CNTN5: variants seen among roughly 807,000 people sequenced by gnomAD.
CNTN5 encodes the protein contactin 5.
Under a neutral mutation model 129.1 loss-of-function variants are expected in CNTN5, and 77 were observed. The observed-to-expected ratio is 0.60, with a 90% CI of 0.50 to 0.72. The LOEUF is 0.72. Among genes scored for constraint, CNTN5 ranks in the 30% least tolerant of loss-of-function variants. The probability of loss-of-function intolerance (pLI) is 0.00; values close to 1 mark genes in which losing one functional copy is unlikely to be tolerated. For synonymous variants in CNTN5, 509 were observed against 465.6 expected (o/e 1.09, Z -1.20); for missense variants, 1,478 against 1,328.8 (o/e 1.11, Z -1.75).
Position 99,784,340 on chromosome 11 carries a change from C to T in CNTN5, c.56-35204C>T, listed in dbSNP as rs780847558. 1.2e-3 allele frequency among the ~76,000 whole-genome samples: 184 copies of T among 152,074 alleles called. 2 individuals carry two copies. Among genetic ancestry groups the T allele is most frequent in the Non-Finnish European group, 4.0e-4 (27 of 68,020 alleles). ...ATAGGCCCAGGTGTGTGATGTTCCC[C>T]TCCCTGTGTCCATGTGTTCTCATTT... On this transcript the variant is annotated intron_variant, in intron 3 of 24. Transcript: ENST00000524871.
intron 1 of CNTN5, among the ~76,000 whole-genome samples, chr11:99,167,954 G>A (rs77394974): frequency 1.6e-5 from 2 of 124,070 alleles, no homozygotes; most frequent in African/African-American, 7.9e-5. Context: ...TTTTTTTTTG[G>A]AGATAGCATG....
chr11:100,245,550 A>G (rs187496771), intron 16 of CNTN5, among the ~76,000 whole-genome samples: 1 of 152,116 alleles, frequency 6.6e-6, no homozygotes, highest in Non-Finnish European at 1.5e-5. Context: ...TGAGACAAGT[A>G]GAGTGAATAT....
At chr11:99,690,421 G>A (rs530290187) in intron 3 of CNTN5, among the ~76,000 whole-genome samples, 1 of 152,142 alleles carries the variant, frequency 6.6e-6, no homozygotes, top group Admixed American at 6.5e-5. Flanking sequence ...GTTTGCTTAG[G>A]ATTGCCATGG....
intron 7 of CNTN5, among the ~76,000 whole-genome samples, chr11:99,921,069 C>T (rs1476724099): frequency 1.3e-5 from 2 of 152,108 alleles, no homozygotes; most frequent in Non-Finnish European, 2.9e-5. Context: ...CATCAGAAAC[C>T]AACCATGCTG....
intron 4 of CNTN5, among the ~76,000 whole-genome samples, chr11:99,830,634 T>C (rs1044131859): frequency 6.6e-6 from 1 of 152,188 alleles, no homozygotes; most frequent in Non-Finnish European, 1.5e-5. Flanking sequence ...CTAAATAAAA[T>C]ACATCATGTC....
intron 3 of CNTN5, among the ~76,000 whole-genome samples, chr11:99,792,252 T>C (rs1260016379): frequency 6.6e-6 from 1 of 152,180 alleles, no homozygotes; most frequent in Non-Finnish European, 1.5e-5. Context: ...AGATGACTTA[T>C]TATTTTGAAG....
At chr11:99,599,985 G>A (rs11220595) in intron 3 of CNTN5, among the ~76,000 whole-genome samples, 9,366 of 152,102 alleles carry the variant, frequency 0.062, 390 homozygotes, top group Middle Eastern at 0.092. Context: ...TCCTGATGAC[G>A]GCAGGACTGA....
At chr11:99,910,547 T>G (rs958485296) in intron 6 of CNTN5, among the ~76,000 whole-genome samples, 1 of 152,122 alleles carries the variant, frequency 6.6e-6, no homozygotes, top group African/African-American at 2.4e-5. Context: ...GTGGTTTAAC[T>G]TCCAAACATT....
intron 1 of CNTN5, among the ~76,000 whole-genome samples, chr11:99,236,331 A>C (rs2135743383): frequency 6.6e-6 from 1 of 152,218 alleles, no homozygotes; most frequent in Admixed American, 6.5e-5. Flanking sequence ...TGTATAGATA[A>C]GTTTTATCAG....
chr11:99,889,551 T>C (rs565249060), intron 6 of CNTN5, among the ~76,000 whole-genome samples: 1 of 151,314 alleles, frequency 6.6e-6, no homozygotes, highest in African/African-American at 2.4e-5. Context: ...TTTTTTTCTT[T>C]TGAGATTGAG....
intron 1 of CNTN5, among the ~76,000 whole-genome samples, chr11:99,110,506 C>G (rs977325736): frequency 2.6e-5 from 4 of 152,104 alleles, no homozygotes; most frequent in African/African-American, 7.2e-5. Flanking sequence ...TGTGAGGACA[C>G]CACATACCAC....
At chr11:99,676,221 A>C (rs1953277144) in intron 3 of CNTN5, among the ~76,000 whole-genome samples, 1 of 152,190 alleles carries the variant, frequency 6.6e-6, no homozygotes, top group Admixed American at 6.5e-5. Flanking sequence ...TCAGCCCTGC[A>C]CCACTGGTGC....
intron 2 of CNTN5, among the ~76,000 whole-genome samples, chr11:99,356,703 T>A (rs4754605): frequency 0.38 from 54,396 of 144,998 alleles, 10,351 homozygotes; most frequent in African/African-American, 0.49. Context: ...TAATGTATAA[T>A]AAAACAAAAT....
At chr11:100,048,936 T>C (rs942141430) in intron 9 of CNTN5, among the ~76,000 whole-genome samples, 1 of 152,080 alleles carries the variant, frequency 6.6e-6, no homozygotes, top group Non-Finnish European at 1.5e-5. Flanking sequence ...GAATCTTAAA[T>C]AGTTCACTTG....
At position 99,789,035 on chromosome 11, in the gene CNTN5, G is replaced by A. The variant is rs140798147; in HGVS notation, c.56-30509G>A. Reference sequence around the variant, plus strand: ...AAAAATCTAACATCTCCCCAAAACCGTGCTCATTAACTCTGGGAATCTCTA... The same window carrying A: ...AAAAATCTAACATCTCCCCAAAACCATGCTCATTAACTCTGGGAATCTCTA... On this transcript the variant is annotated intron_variant, in intron 3 of 24. Transcript: ENST00000524871. Among the ~76,000 whole-genome samples the A allele has an allele frequency of 3.3e-3, 494 of 151,346 alleles. 6 individuals are homozygous for A. The highest frequency in any genetic ancestry group is 0.011 in the African/African-American group (460 of 41,286).
At chr11:99,329,085 A>G (rs1190980998) in intron 2 of CNTN5, among the ~76,000 whole-genome samples, 1 of 152,140 alleles carries the variant, frequency 6.6e-6, no homozygotes, top group Non-Finnish European at 1.5e-5. Context: ...GATTATTTTC[A>G]TTATCAGCCT....
chr11:99,150,356 T>G (rs963838163), intron 1 of CNTN5, among the ~76,000 whole-genome samples: 2 of 152,062 alleles, frequency 1.3e-5, no homozygotes, highest in Non-Finnish European at 2.9e-5. Context: ...TCATGTATTT[T>G]TTATCTAAGG....
chr11:100,053,216 G>A (rs374211705), intron 9 of CNTN5, among the ~76,000 whole-genome samples: 4 of 151,250 alleles, frequency 2.6e-5, no homozygotes, highest in East Asian at 1.9e-4. Flanking sequence ...GACAGAAAAC[G>A]AAAAACCACT....
At chr11:99,316,743 A>C (rs987434517) in intron 1 of CNTN5, among the ~76,000 whole-genome samples, 1 of 152,000 alleles carries the variant, frequency 6.6e-6, no homozygotes. Flanking sequence ...AAAAAAAAAA[A>C]AGAAAAAGAC....
Sources: gnomAD v4.1 joint callset for allele counts (sites outside exome capture counted in the v4.1 genomes callset) on GRCh38, gnomAD v4.1.1 for gene constraint, MANE v1.5 for transcripts, NCBI Gene and HGNC (gene_info 2026-07-23, HGNC 2026-07-21) for gene names.